The following ABCB1 variants were observed in gnomAD, a reference collection of about 807,000 sequenced individuals.
ABCB1 encodes the protein ATP binding cassette subfamily B member 1.
Under a neutral mutation model 142.0 loss-of-function variants are expected in ABCB1, and 69 were observed. The observed-to-expected ratio is 0.49, with a 90% confidence interval of 0.40 to 0.59. ABCB1 has a LOEUF of 0.59. Ranked by LOEUF, ABCB1 falls within the 20% of genes least tolerant of loss-of-function variation. The probability of loss-of-function intolerance (pLI) is 0.00; values close to 1 mark genes in which losing one functional copy is unlikely to be tolerated. For synonymous variants in ABCB1, 532 were observed against 539.2 expected, an observed-to-expected ratio of 0.99 and a Z score of 0.18; for missense variants, 1,326 against 1,554.7, an observed-to-expected ratio of 0.85 and a Z score of 2.47.
At chr7:87,519,822 T>TATTC (rs1281667103) in intron 22 of ABCB1, among the ~76,000 whole-genome samples, 2 of 152,208 alleles carry the variant, frequency 1.3e-5, no homozygotes. Context: ...TCTACGTAAA[T>TATTC]ATTCATTCTG....
chr7:87,652,621 G>GATATATATAT (rs373344881), intron 1 of ABCB1, among the ~76,000 whole-genome samples: 1,678 of 125,320 alleles, frequency 0.013, 54 homozygotes, highest in African/African-American at 0.04. Flanking sequence ...TGTGGTCACT[G>GATATATATAT]ATATATATAT....
intron 4 of ABCB1, among the ~76,000 whole-genome samples, chr7:87,570,762 CACAG>C (rs1410733225): frequency 2.0e-5 from 3 of 152,270 alleles, no homozygotes; most frequent in East Asian, 1.9e-4. Flanking sequence ...ACCCCTAACA[CACAG>C]ACACACACAC....
At chr7:87,712,283 T>C (rs1830159555) in intron 1 of ABCB1, among the ~76,000 whole-genome samples, 1 of 152,064 alleles carries the variant, frequency 6.6e-6, no homozygotes. Flanking sequence ...AACAGTGAGA[T>C]GATGATAAAA....
intron 21 of ABCB1, chr7:87,522,098 A>G (rs556745250): frequency 6.7e-4 from 851 of 1,262,198 alleles, no homozygotes; most frequent in Non-Finnish European, 8.9e-4. Flanking sequence ...TTCGGTGGGA[A>G]TGACAACTTT....
intron 1 of ABCB1, among the ~76,000 whole-genome samples, chr7:87,610,187 C>T (rs1819798777): frequency 6.7e-6 from 1 of 149,716 alleles, no homozygotes; most frequent in African/African-American, 2.4e-5. Context: ...TAATTGGCAA[C>T]AAGTCATACT....
intron 7 of ABCB1, among the ~76,000 whole-genome samples, chr7:87,562,987 C>T (rs1223986937): frequency 1.3e-5 from 2 of 152,106 alleles, no homozygotes; most frequent in African/African-American, 2.4e-5. Flanking sequence ...AGTCATGATG[C>T]AGAACAATTC....
intron 21 of ABCB1, among the ~76,000 whole-genome samples, chr7:87,524,937 T>C (rs1584846665): frequency 6.6e-6 from 1 of 152,180 alleles, no homozygotes; most frequent in Admixed American, 6.6e-5. Context: ...CACCATGTTC[T>C]AAGGCAGGAG....
rs200155994 is a variant in ABCB1 at position 87,536,473 on chromosome 7, A to C, written c.2466T>G (p.Ala822=). 3.7e-6 allele frequency: 6 copies of C among 1,613,916 alleles called. No homozygotes were observed. The highest frequency in any genetic ancestry group is 2.2e-5 in the East Asian group (1 of 44,890). ...AGGCACGTACCCCTTTAACTTGAGC[A>C]GCATCATTGGCGAGCCTGGTAGTCA... ...GALTTRLAND[A]AQVKGAIGSR... Residue 822 remains alanine, a synonymous_variant, in exon 20 of 28, where the codon GCT becomes GCG. Coordinates refer to ENST00000622132, the MANE Select transcript of ABCB1 (RefSeq NM_001348946.2).
intron 4 of ABCB1, among the ~76,000 whole-genome samples, chr7:87,582,286 A>G (rs937587572): frequency 3.3e-5 from 5 of 152,184 alleles, no homozygotes; most frequent in African/African-American, 1.2e-4. Flanking sequence ...ATAGATGCTG[A>G]CCATATTTGG....
At chr7:87,690,642 C>G (rs1827923648) in intron 1 of ABCB1, among the ~76,000 whole-genome samples, 1 of 152,086 alleles carries the variant, frequency 6.6e-6, no homozygotes, top group South Asian at 2.1e-4. Flanking sequence ...GCATTTTTAT[C>G]TGTTGCTTCG....
intron 1 of ABCB1, among the ~76,000 whole-genome samples, chr7:87,623,434 C>G (rs1037303346): frequency 6.6e-6 from 1 of 152,214 alleles, no homozygotes; most frequent in Non-Finnish European, 1.5e-5. Context: ...TGAGACCCAT[C>G]AAGGTACTCT....
intron 8 of ABCB1, among the ~76,000 whole-genome samples, chr7:87,555,680 C>A (rs1014605617): frequency 6.6e-6 from 1 of 152,120 alleles, no homozygotes; most frequent in African/African-American, 2.4e-5. Flanking sequence ...ATCATCTGAA[C>A]AGAAAAATTA....
At chr7:87,589,113 GGTAACATAAT>G (rs1315266590) in intron 3 of ABCB1, among the ~76,000 whole-genome samples, 2 of 152,050 alleles carry the variant, frequency 1.3e-5, no homozygotes, top group Non-Finnish European at 2.9e-5. Context: ...TGAAGAAAGT[GGTAACATAAT>G]GCTGAGTAGG....
chr7:87,629,787 G>C (rs938571569), intron 1 of ABCB1, among the ~76,000 whole-genome samples: 2 of 151,892 alleles, frequency 1.3e-5, no homozygotes, highest in Admixed American at 6.6e-5. Context: ...TTAGCCGGGC[G>C]TGGTGGCGGG....
At chr7:87,705,558 G>C (rs1466952819) in intron 1 of ABCB1, among the ~76,000 whole-genome samples, 2 of 152,158 alleles carry the variant, frequency 1.3e-5, no homozygotes, top group Non-Finnish European at 2.9e-5. Context: ...TTTGAGTTGA[G>C]GATCATGTTT....
chr7:87,651,884 C>T (rs563917720), intron 1 of ABCB1, among the ~76,000 whole-genome samples: 4 of 152,128 alleles, frequency 2.6e-5, no homozygotes, highest in Non-Finnish European at 2.9e-5. Flanking sequence ...CAATTTAAAA[C>T]GGGGTTTGTA....
chr7:87,527,346 C>A (rs1266341102), intron 21 of ABCB1, among the ~76,000 whole-genome samples: 1 of 152,162 alleles, frequency 6.6e-6, no homozygotes, highest in African/African-American at 2.4e-5. Context: ...ATGTATTGTA[C>A]AAAAAGTGCA....
chr7:87,549,506 G>C lies in ABCB1; in HGVS notation c.1567C>G (p.Leu523Val), dbSNP rs1324520636. ...AACTGGGCCCCTCTCTCTCCAACCA[G>C]GGTGTCAAATTTCTACCACAGAAAA... Reference protein sequence around the residue: ...IMKLPHKFDTLVGERGAQLSG... With the variant: ...IMKLPHKFDTVVGERGAQLSG... The change falls in exon 14 of 28, where the codon CTG becomes GTG. Residue 523 changes from leucine to valine, a missense_variant. Coordinates refer to ENST00000622132, the MANE Select transcript of ABCB1 (RefSeq NM_001348946.2). The C allele has an allele frequency of 6.2e-7, 1 of 1,614,142 alleles. No individual in the cohort carries two copies. Among genetic ancestry groups the C allele is most frequent in the Non-Finnish European group, 8.5e-7 (1 of 1,180,016 alleles).
chr7:87,515,478 A>G (rs764846119), intron 24 of ABCB1, 50 bp from the exon 25 acceptor site: 9 of 1,545,124 alleles, frequency 5.8e-6, no homozygotes, highest in Non-Finnish European at 8.0e-6. Context: ...TACTGAAAAT[A>G]AAGTGTATAG....
Sources: gnomAD v4.1 joint callset for allele counts (sites outside exome capture counted in the v4.1 genomes callset) on GRCh38, gnomAD v4.1.1 for gene constraint, MANE v1.5 for transcripts, NCBI Gene and HGNC (gene_info 2026-07-23, HGNC 2026-07-21) for gene names.